The following GREB1L variants were observed in gnomAD, a reference collection of about 807,000 sequenced individuals.
GREB1L encodes GREB1-like protein.
In GREB1L, 17 loss-of-function variants were observed where a neutral mutation model predicts 200.8. That is an observed-to-expected ratio of 0.08 (90% CI 0.06 to 0.13). The LOEUF is 0.13. GREB1L is among the 10% of genes least tolerant of loss of function. The pLI is 1.00. For missense variants in GREB1L, 1,657 were observed against 2,367.7 expected (o/e 0.70, Z 6.23); for synonymous variants, 789 against 893.0 (o/e 0.88, Z 2.08).
chr18:21,288,292 T>G (rs1433741509), intron 1 of GREB1L, among the ~76,000 whole-genome samples: 153 of 152,138 alleles, frequency 1.0e-3, no homozygotes, highest in Non-Finnish European at 3.1e-4. Flanking sequence ...TTCTTCCACC[T>G]GGGGGAAATG....
chr18:21,502,446 A>G (rs2036837302), intron 23 of GREB1L, among the ~76,000 whole-genome samples: 1 of 152,084 alleles, frequency 6.6e-6, no homozygotes, highest in Non-Finnish European at 1.5e-5. Context: ...TAGCTCTTGG[A>G]GATCTCACCT....
intron 2 of GREB1L, among the ~76,000 whole-genome samples, chr18:21,377,315 G>A (rs1243809067): frequency 4.0e-5 from 6 of 151,824 alleles, no homozygotes. Flanking sequence ...ATGCTTCCAC[G>A]CCTCTCCTCA....
intron 1 of GREB1L, among the ~76,000 whole-genome samples, chr18:21,268,431 A>G (rs916395845): frequency 4.0e-5 from 6 of 149,166 alleles, no homozygotes; most frequent in African/African-American, 9.9e-5. Flanking sequence ...CTGTTCCTCT[A>G]CAAAGTCAGG....
intron 1 of GREB1L, among the ~76,000 whole-genome samples, chr18:21,328,049 G>A (rs2039050362): frequency 6.6e-6 from 1 of 152,062 alleles, no homozygotes; most frequent in African/African-American, 2.4e-5. Flanking sequence ...CCACTCTCTA[G>A]CCTAACTTCA....
chr18:21,504,136 C>CTGG (rs2036918239), intron 23 of GREB1L, among the ~76,000 whole-genome samples: 1 of 152,106 alleles, frequency 6.6e-6, no homozygotes, highest in Non-Finnish European at 1.5e-5. Context: ...GTTGGCCAGG[C>CTGG]TGGTCTCGAA....
At chr18:21,279,889 G>T (rs2144419655) in intron 1 of GREB1L, among the ~76,000 whole-genome samples, 1 of 152,266 alleles carries the variant, frequency 6.6e-6, no homozygotes. Flanking sequence ...CTATTTTAGA[G>T]CAGTGTTAGC....
chr18:21,514,080 G>C (rs1284654725), intron 28 of GREB1L, 94 bp downstream of exon 28: 1 of 1,263,326 alleles, frequency 7.9e-7, no homozygotes, highest in East Asian at 2.6e-5. Context: ...GAAAGAGAGA[G>C]ACAGCTTTCC....
At chr18:21,368,767 G>A (rs540531720) in intron 2 of GREB1L, among the ~76,000 whole-genome samples, 1 of 152,122 alleles carries the variant, frequency 6.6e-6, no homozygotes, top group South Asian at 2.1e-4. Flanking sequence ...ATTACTTTGG[G>A]AATTTATTTA....
chr18:21,471,048 T>A (rs2035463469), intron 15 of GREB1L, among the ~76,000 whole-genome samples: 1 of 152,196 alleles, frequency 6.6e-6, no homozygotes, highest in African/African-American at 2.4e-5. Context: ...TATACTGTGT[T>A]ATATCCAAGA....
chr18:21,268,959 C>T (rs371828029), intron 1 of GREB1L, among the ~76,000 whole-genome samples: 96 of 151,200 alleles, frequency 6.3e-4, no homozygotes, highest in East Asian at 1.8e-3. Context: ...TGAAGATCTC[C>T]GTACAAGTTG....
chr18:21,495,348 G>GTT (rs2036504290), intron 19 of GREB1L, among the ~76,000 whole-genome samples: 1 of 152,166 alleles, frequency 6.6e-6, no homozygotes, highest in African/African-American at 2.4e-5. Flanking sequence ...GATTCAGGTA[G>GTT]TTTAGCCAGG....
chr18:21,370,163 G>A (rs2039821326), intron 2 of GREB1L, among the ~76,000 whole-genome samples: 2 of 152,090 alleles, frequency 1.3e-5, no homozygotes, highest in Non-Finnish European at 2.9e-5. Flanking sequence ...TGCTTGGGAA[G>A]AGATATCTCT....
At chr18:21,256,160 TA>T (rs2144037692) in intron 1 of GREB1L, among the ~76,000 whole-genome samples, 1 of 152,324 alleles carries the variant, frequency 6.6e-6, no homozygotes, top group Non-Finnish European at 1.5e-5. Flanking sequence ...TTGTGGAACA[TA>T]AACTAGTCAA....
chr18:21,490,232 G>T lies in GREB1L; in HGVS notation c.2911G>T (p.Ala971Ser). ...GCCCTCGGTGCAGCTGGCGATGTTA[G>T]CCAAGGAGCGGCTACAGGAGGTGCG... ...RVPSVQLAML[A>S]KERLQEVRDK... The change falls in exon 19 of 33, where the codon GCC (alanine) becomes TCC (serine). Residue 971 changes from alanine (A) to serine (S), a missense_variant. By Grantham distance (99) the Ala-to-Ser change is moderately conservative. This residue lies in a region of GREB1L where 512 missense variants were observed against 668.3 expected (regional missense o/e 0.77). Transcript: ENST00000424526. 6.4e-7 allele frequency: 1 copy of T among 1,551,876 alleles called. No homozygotes were observed. The highest frequency in any genetic ancestry group is 1.2e-5 in the South Asian group (1 of 84,056).
chr18:21,367,909 A>G (rs1272052604), intron 2 of GREB1L, among the ~76,000 whole-genome samples: 1 of 152,228 alleles, frequency 6.6e-6, no homozygotes. Flanking sequence ...GAGACCGCTT[A>G]TATGATTGTG....
chr18:21,445,260 A>AGGT (rs1463178884), intron 11 of GREB1L, among the ~76,000 whole-genome samples: 2 of 152,226 alleles, frequency 1.3e-5, no homozygotes, highest in East Asian at 3.8e-4. Context: ...GGATCACCTG[A>AGGT]GGTGGGGAGT....
chr18:21,512,706 G>C (rs1039305168), intron 27 of GREB1L, among the ~76,000 whole-genome samples: 3 of 151,808 alleles, frequency 2.0e-5, no homozygotes, highest in African/African-American at 7.3e-5. Flanking sequence ...AATAGAAATG[G>C]TAAAAGTGGC....
intron 1 of GREB1L, among the ~76,000 whole-genome samples, chr18:21,249,967 GA>G (rs1410833491): frequency 3.3e-5 from 5 of 152,306 alleles, no homozygotes; most frequent in Middle Eastern, 3.4e-3. Context: ...AGAAGTGCCA[GA>G]GAGAAAAGTA....
chr18:21,251,466 C>G (rs2037702665), intron 1 of GREB1L, among the ~76,000 whole-genome samples: 1 of 152,088 alleles, frequency 6.6e-6, no homozygotes, highest in African/African-American at 2.4e-5. Flanking sequence ...CTGTATTCCA[C>G]AGTTAAACAA....
Sources: allele counts gnomAD v4.1 joint callset (sites outside exome capture counted in the v4.1 genomes callset), GRCh38; gene constraint gnomAD v4.1.1; regional missense constraint gnomAD v4.1.1; transcripts MANE v1.5; gene names NCBI Gene and HGNC (gene_info 2026-07-23, HGNC 2026-07-21).